Variants in NTM observed in about 807,000 individuals in gnomAD.
The protein encoded by NTM is neurotrimin.
Under a neutral mutation model 42.1 loss-of-function variants are expected in NTM, and 13 were observed. The observed-to-expected ratio is 0.31, with a 90% CI of 0.20 to 0.49. The LOEUF is 0.49. Among genes scored for constraint, NTM ranks in the 20% least tolerant of loss-of-function variants. The probability of loss-of-function intolerance (pLI) is 0.99; values close to 1 mark genes in which losing one functional copy is unlikely to be tolerated. For missense variants in NTM, 373 were observed against 452.8 expected, an observed-to-expected ratio of 0.82 and a Z score of 1.60; for synonymous variants, 187 against 179.2, an observed-to-expected ratio of 1.04 and a Z score of -0.35.
intron 1 of NTM, among the ~76,000 whole-genome samples, chr11:131,902,266 A>T (rs1450061080): frequency 1.3e-5 from 2 of 152,236 alleles, no homozygotes; most frequent in Non-Finnish European, 2.9e-5. Context: ...AAGAAACTTG[A>T]CTTCTAGGGC....
intron 1 of NTM, among the ~76,000 whole-genome samples, chr11:131,751,169 C>T (rs1024490026): frequency 2.6e-5 from 4 of 152,174 alleles, no homozygotes; most frequent in Admixed American, 6.5e-5. Flanking sequence ...GGCAAGGTGG[C>T]TCACACTTGT....
At position 131,370,859 on chromosome 11, in the gene NTM, C is replaced by T. The variant is rs1941061547; in HGVS notation, c.53C>T (p.Thr18Met). Residue 18 changes from threonine (T) to methionine (M), a missense_variant, in exon 1 of 9, where the codon ACG (threonine) becomes ATG (methionine). By Grantham distance (81) the Thr-to-Met change is moderately conservative. Coordinates refer to ENST00000683400, the MANE Select transcript of NTM (RefSeq NM_001352005.2). ...AATTCTATCTCTTGGGCAATCTTCA[C>T]GGGGCTGGCTGCTCTGTGTCTCTTC... ...MHNSISWAIF[T>M]GLAALCLFQG... 12 of 1,614,146 alleles carry T rather than the reference C, an allele frequency of 7.4e-6. No individual in the cohort carries two copies. The highest frequency in any genetic ancestry group is 1.0e-5 in the Non-Finnish European group (12 of 1,180,006).
At chr11:131,938,721 T>C (rs2059488961) in intron 2 of NTM, among the ~76,000 whole-genome samples, 1 of 152,010 alleles carries the variant, frequency 6.6e-6, no homozygotes, top group Admixed American at 6.6e-5. Context: ...GTGGTGGTGG[T>C]GTGGAAGGAG....
intron 2 of NTM, among the ~76,000 whole-genome samples, chr11:132,030,775 A>C (rs142716025): frequency 9.1e-4 from 138 of 152,322 alleles, no homozygotes; most frequent in African/African-American, 3.2e-3. Context: ...AAGGGAGAAG[A>C]AGCAGGAGAT....
chr11:131,977,388 T>C (rs1223088640), intron 2 of NTM, among the ~76,000 whole-genome samples: 7 of 152,354 alleles, frequency 4.6e-5, no homozygotes, highest in East Asian at 3.9e-4. Context: ...AAGGCTATTC[T>C]GCCCATGCCA....
chr11:132,081,662 G>A (rs967421148), intron 2 of NTM, among the ~76,000 whole-genome samples: 2 of 151,716 alleles, frequency 1.3e-5, no homozygotes, highest in African/African-American at 2.4e-5. Context: ...AACCCGGGAG[G>A]TGGAGCTTGC....
chr11:131,958,810 G>A (rs2061824718), intron 2 of NTM, among the ~76,000 whole-genome samples: 1 of 152,164 alleles, frequency 6.6e-6, no homozygotes, highest in Non-Finnish European at 1.5e-5. Flanking sequence ...CCTGTAATGT[G>A]TGAATTCCAT....
Position 132,335,766 on chromosome 11 carries a change from A to G in NTM, c.*620A>G, listed in dbSNP as rs2095867782. 6.6e-6 allele frequency: 1 copy of G among 152,318 alleles called. No homozygotes were observed. Among genetic ancestry groups the G allele is most frequent in the South Asian group, 2.1e-4 (1 of 4,796 alleles). 9.4% of individuals were successfully genotyped at this position (152,318 alleles called of 1,614,324 possible). ...TTTATCATTTTACTACATGAACATCATGGATAACAAGGGATTCTGATTCAT... is the reference window on the plus strand; with the variant it reads ...TTTATCATTTTACTACATGAACATCGTGGATAACAAGGGATTCTGATTCAT... On this transcript the variant is annotated 3_prime_UTR_variant, in exon 9 of 9. Transcript: ENST00000683400.
chr11:131,713,686 A>G (rs1257795715), intron 1 of NTM, among the ~76,000 whole-genome samples: 1 of 152,172 alleles, frequency 6.6e-6, no homozygotes, highest in Non-Finnish European at 1.5e-5. Flanking sequence ...TTCAGAGTCA[A>G]GTTCAGTATG....
At chr11:131,445,523 C>T (rs1949989644) in intron 1 of NTM, among the ~76,000 whole-genome samples, 1 of 152,110 alleles carries the variant, frequency 6.6e-6, no homozygotes, top group Admixed American at 6.5e-5. Flanking sequence ...GGGCTGTGAC[C>T]TTGTGGGGTG....
At chr11:131,397,784 G>T (rs907555175) in intron 1 of NTM, among the ~76,000 whole-genome samples, 3 of 152,104 alleles carry the variant, frequency 2.0e-5, no homozygotes, top group African/African-American at 7.2e-5. Context: ...TCCAGTCTTT[G>T]TACGTGTCCC....
At chr11:131,550,635 A>G (rs551942074) in intron 1 of NTM, among the ~76,000 whole-genome samples, 1 of 152,244 alleles carries the variant, frequency 6.6e-6, no homozygotes, top group Admixed American at 6.5e-5. Flanking sequence ...CTGTGGAACC[A>G]TGAGCCAATT....
At chr11:131,751,818 A>G (rs200666842) in intron 1 of NTM, among the ~76,000 whole-genome samples, 4 of 93,522 alleles carry the variant, frequency 4.3e-5, no homozygotes, top group Non-Finnish European at 7.7e-5. Context: ...AATTATACTC[A>G]TGTGTTTGTT....
rs186616718 is a variant in NTM at position 132,284,640 on chromosome 11, C to T, written c.527-23049C>T. On this transcript the variant is annotated intron_variant, in intron 4 of 8. Coordinates refer to ENST00000683400, the MANE Select transcript of NTM (RefSeq NM_001352005.2). ...AAATGCCCTCACACTGTGATACTGG[C>T]GGTTGGGACTTCAACTTACGGATTT... The T allele has an allele frequency of 4.4e-3, 678 of 153,064 alleles. 6 individuals are homozygous for T. The highest frequency in any genetic ancestry group is 0.017 in the Middle Eastern group (5 of 300). The allele number at this position is 153,064 out of a possible 1,614,324, so 9.5% of individuals were successfully genotyped here.
intron 1 of NTM, among the ~76,000 whole-genome samples, chr11:131,382,600 T>A (rs539927073): frequency 6.6e-6 from 1 of 152,312 alleles, no homozygotes; most frequent in African/African-American, 2.4e-5. Context: ...AGTTTTGCCT[T>A]TAGAGCTATC....
chr11:132,190,543 C>T (rs2079138059), intron 3 of NTM, among the ~76,000 whole-genome samples: 1 of 151,978 alleles, frequency 6.6e-6, no homozygotes, highest in Non-Finnish European at 1.5e-5. Context: ...CAAGACCAGC[C>T]TGGCCAAGAT....
intron 1 of NTM, among the ~76,000 whole-genome samples, chr11:131,575,578 AGAGTT>A (rs1334008674): frequency 1.3e-5 from 2 of 152,210 alleles, no homozygotes; most frequent in Non-Finnish European, 2.9e-5. Context: ...TATAACTTTT[AGAGTT>A]GAGATGACCG....
intron 2 of NTM, among the ~76,000 whole-genome samples, chr11:132,115,707 C>G (rs2136836708): frequency 6.6e-6 from 1 of 152,268 alleles, no homozygotes; most frequent in South Asian, 2.1e-4. Flanking sequence ...TTTCTGTGAC[C>G]ACTTGCCCTT....
At chr11:132,130,218 G>A (rs2066570774) in intron 2 of NTM, among the ~76,000 whole-genome samples, 1 of 152,174 alleles carries the variant, frequency 6.6e-6, no homozygotes, top group Admixed American at 6.5e-5. Context: ...GAAATCAGAT[G>A]AGTAGCGGGA....
Sources: allele counts gnomAD v4.1 joint callset (sites outside exome capture counted in the v4.1 genomes callset), GRCh38; gene constraint gnomAD v4.1.1; transcripts MANE v1.5; gene names NCBI Gene and HGNC (gene_info 2026-07-23, HGNC 2026-07-21).